Variants in ZFC3H1 observed in about 807,000 individuals in gnomAD.
The protein encoded by ZFC3H1 is zinc finger C3H1-type containing, also known as zinc finger C3H1 domain-containing protein.
In ZFC3H1, 71 loss-of-function variants were observed where a neutral mutation model predicts 243.7. That is an observed-to-expected ratio of 0.29 (90% CI 0.24 to 0.36). The LOEUF is 0.36. Among genes scored for constraint, ZFC3H1 ranks in the 10% least tolerant of loss-of-function variants. The pLI is 1.00. For missense variants in ZFC3H1, 1,966 were observed against 2,317.1 expected, an observed-to-expected ratio of 0.85 and a Z score of 3.11; for synonymous variants, 838 against 813.0, an observed-to-expected ratio of 1.03 and a Z score of -0.52.
At chr12:71,659,671 C>T (rs886421158) in intron 1 of ZFC3H1, among the ~76,000 whole-genome samples, 4 of 152,170 alleles carry the variant, frequency 2.6e-5, no homozygotes, top group Non-Finnish European at 5.9e-5. Flanking sequence ...ACAACTATAA[C>T]TGACTAATCT....
intron 28 of ZFC3H1, 23 bp from the exon 29 acceptor site, chr12:71,614,961 CAT>C (rs746761128): frequency 1.5e-5 from 23 of 1,553,780 alleles, no homozygotes; most frequent in Non-Finnish European, 2.0e-5. Flanking sequence ...TGAAGGAAAA[CAT>C]ATGTCTATCA....
At position 71,663,811 on chromosome 12, in the gene ZFC3H1, T is replaced by A. The variant is rs1195819692; in HGVS notation, c.-201A>T. 3.3e-6 allele frequency: 2 copies of A among 612,004 alleles called. No homozygotes were observed. The highest frequency in any genetic ancestry group is 3.7e-5 in the African/African-American group (2 of 54,126). The allele number at this position is 612,004 out of a possible 1,614,324, so 37.9% of individuals were successfully genotyped here. ...CCGGACCGTCGCAACCCAGTTCCCTTTCCTAGCGCCCCCTTGCTCCTCAGC... is the reference window on the plus strand; with the variant it reads ...CCGGACCGTCGCAACCCAGTTCCCTATCCTAGCGCCCCCTTGCTCCTCAGC... On this transcript the variant is annotated 5_prime_UTR_variant, in exon 1 of 35. Coordinates refer to ENST00000378743, the MANE Select transcript of ZFC3H1 (RefSeq NM_144982.5).
At chr12:71,634,914 G>A (rs1488452780) in intron 10 of ZFC3H1, 89 bp from the exon 11 acceptor site, 3 of 1,394,368 alleles carry the variant, frequency 2.2e-6, no homozygotes, top group East Asian at 4.8e-5. Context: ...GCAACCCAGT[G>A]TATACTGAAT....
chr12:71,657,416 T>C (rs1881048921), intron 1 of ZFC3H1, 115 bp from the exon 2 acceptor site: 1 of 834,206 alleles, frequency 1.2e-6, no homozygotes, highest in Non-Finnish European at 1.8e-6. Flanking sequence ...GAAAAATGAA[T>C]CGATATTTTT....
At chr12:71,659,822 C>G (rs1326342779) in intron 1 of ZFC3H1, among the ~76,000 whole-genome samples, 1 of 152,136 alleles carries the variant, frequency 6.6e-6, no homozygotes, top group South Asian at 2.1e-4. Context: ...GCTATTCAAC[C>G]TTTTCAGCTG....
chr12:71,649,328 G>C (rs1880817525), intron 2 of ZFC3H1, among the ~76,000 whole-genome samples: 1 of 152,108 alleles, frequency 6.6e-6, no homozygotes, highest in Non-Finnish European at 1.5e-5. Flanking sequence ...ACAATTTACT[G>C]TCTGATTTCA....
At chr12:71,614,420 T>C (rs1879846145) in intron 30 of ZFC3H1, 115 bp downstream of exon 30, 2 of 964,148 alleles carry the variant, frequency 2.1e-6, no homozygotes, top group East Asian at 2.8e-5. Context: ...ATAGTGAATG[T>C]TAAGAAAGTA....
Position 71,644,970 on chromosome 12 carries a change from C to G in ZFC3H1, c.1186G>C (p.Glu396Gln). Residue 396 changes from glutamate to glutamine, a missense_variant, in exon 4 of 35, where the codon GAA becomes CAA. Glu to Gln is a conservative substitution (Grantham distance 29). Coordinates refer to ENST00000378743, the MANE Select transcript of ZFC3H1 (RefSeq NM_144982.5). ...WQQKEQQVMK[E>Q]SKEKLTKTKT... ...GTCTTAGTCAACTTTTCTTTGCTTT[C>G]TTTCATCACCTGCTGTTCTTTTTGT... The G allele has an allele frequency of 6.2e-7, 1 of 1,613,452 alleles. No homozygotes were observed. The highest frequency in any genetic ancestry group is 1.3e-5 in the African/African-American group (1 of 75,016).
intron 6 of ZFC3H1, among the ~76,000 whole-genome samples, chr12:71,641,194 A>T (rs1276889741): frequency 2.0e-5 from 3 of 152,234 alleles, no homozygotes; most frequent in African/African-American, 4.8e-5. Flanking sequence ...CTTGGGAATT[A>T]TAATGAATCA....
At chr12:71,615,508 C>CT (rs745421014) in intron 27 of ZFC3H1, among the ~76,000 whole-genome samples, 192 bp from the exon 28 acceptor site, 1 of 151,720 alleles carries the variant, frequency 6.6e-6, no homozygotes, top group Non-Finnish European at 1.5e-5. Context: ...ACTCAAAATG[C>CT]TTTTTTTTGT....
intron 31 of ZFC3H1, 34 bp downstream of exon 31, chr12:71,613,301 G>T (rs1352626952): frequency 6.6e-7 from 1 of 1,512,014 alleles, no homozygotes; most frequent in East Asian, 2.3e-5. Context: ...ATTCCATTAG[G>T]CAGAGGACCA....
At chr12:71,651,521 T>C (rs1880886347) in intron 2 of ZFC3H1, among the ~76,000 whole-genome samples, 1 of 152,216 alleles carries the variant, frequency 6.6e-6, no homozygotes, top group Non-Finnish European at 1.5e-5. Context: ...CAACTAATTT[T>C]TGAATAAATG....
At chr12:71,613,735 C>G in intron 30 of ZFC3H1, 1 of 214,520 alleles carries the variant, frequency 4.7e-6, no homozygotes. Flanking sequence ...AGTCATAGGG[C>G]TAATAATACC....
Position 71,624,276 on chromosome 12 carries a change from C to G in ZFC3H1, c.4334G>C (p.Ser1445Thr). The change falls in exon 23 of 35, where the codon AGT (serine) becomes ACT (threonine). Residue 1445 changes from serine (S) to threonine (T), a missense_variant. Ser to Thr is a moderately conservative substitution (Grantham distance 58). Coordinates refer to ENST00000378743, the MANE Select transcript of ZFC3H1 (RefSeq NM_144982.5). ...QSFWTFLHLE[S>T]TFEEKDYVCE... ...TACGTAATCCTTTTCTTCAAAGGTA[C>G]TTTCTAGGTGTAGAAACTGCCCAAA... The G allele has an allele frequency of 6.2e-7, 1 of 1,611,512 alleles. No homozygotes were observed. The highest frequency in any genetic ancestry group is 8.5e-7 in the Non-Finnish European group (1 of 1,178,690).
Position 71,609,869 on chromosome 12 carries a change from T to C in ZFC3H1, c.*559A>G, listed in dbSNP as rs1256190464. ...TAGAAAGGGTAATAAACAACCCTGA[T>C]AGAGCATTCAAGTGCAACTAGCAGA... On this transcript the variant is annotated 3_prime_UTR_variant, in exon 35 of 35. Transcript: ENST00000378743. 6.5e-6 allele frequency: 1 copy of C among 152,682 alleles called. No homozygotes were observed. The highest frequency in any genetic ancestry group is 2.1e-4 in the South Asian group (1 of 4,838). 9.5% of individuals were successfully genotyped at this position (152,682 alleles called of 1,614,324 possible).
chr12:71,636,792 G>A (rs554207963), intron 8 of ZFC3H1, 58 bp downstream of exon 8: 4 of 1,585,710 alleles, frequency 2.5e-6, no homozygotes, highest in African/African-American at 1.4e-5. Flanking sequence ...GAAAAAAGTA[G>A]GACTACCGTA....
chr12:71,657,687 G>T (rs890437540), intron 1 of ZFC3H1, among the ~76,000 whole-genome samples: 1 of 152,014 alleles, frequency 6.6e-6, no homozygotes, highest in Non-Finnish European at 1.5e-5. Context: ...TCACAGATGC[G>T]GATAGTTTAC....
intron 12 of ZFC3H1, 39 bp downstream of exon 12, chr12:71,634,116 C>T (rs1176837197): frequency 1.3e-6 from 2 of 1,579,252 alleles, no homozygotes; most frequent in African/African-American, 2.7e-5. Flanking sequence ...ATTTCTCTAC[C>T]ACAGGAACAA....
Position 71,610,541 on chromosome 12 carries a change from C to A in ZFC3H1, c.5857G>T (p.Gly1953Ter). The change falls in exon 35 of 35, where the codon GGA (glycine) becomes TGA (stop). Residue 1953 changes from glycine to a stop codon, truncating the protein, a stop_gained. Coordinates refer to ENST00000378743, the MANE Select transcript of ZFC3H1 (RefSeq NM_144982.5). LOFTEE classifies it high-confidence loss of function. ...KDQLLFEASE[G>*]GKTDNLRKLV... ...TTTCTCAGGTTATCAGTTTTACCTCCTTCTGATGCTTCAAACAAGAGTTGC... is the reference window on the plus strand; with the variant it reads ...TTTCTCAGGTTATCAGTTTTACCTCATTCTGATGCTTCAAACAAGAGTTGC... The A allele has an allele frequency of 6.2e-7, 1 of 1,613,448 alleles. No individual in the cohort carries two copies. Among genetic ancestry groups the A allele is most frequent in the Non-Finnish European group, 8.5e-7 (1 of 1,179,578 alleles).
Sources: gnomAD v4.1 joint callset for allele counts (sites outside exome capture counted in the v4.1 genomes callset) on GRCh38, gnomAD v4.1.1 for gene constraint, MANE v1.5 for transcripts, NCBI Gene and HGNC (gene_info 2026-07-23, HGNC 2026-07-21) for gene names.